PTPRT: variants seen among roughly 807,000 people sequenced by gnomAD.
PTPRT encodes receptor-type tyrosine-protein phosphatase T.
Under a neutral mutation model 176.8 loss-of-function variants are expected in PTPRT, and 56 were observed. The observed-to-expected ratio is 0.32, with a 90% CI of 0.26 to 0.40. The LOEUF is 0.40. PTPRT is among the 10% of genes least tolerant of loss of function. The pLI is 1.00. For synonymous variants in PTPRT, 783 were observed against 739.0 expected, an observed-to-expected ratio of 1.06 and a Z score of -0.96; for missense variants, 1,540 against 1,908.2, an observed-to-expected ratio of 0.81 and a Z score of 3.60.
At chr20:42,501,645 T>C (rs1439406410) in intron 7 of PTPRT, among the ~76,000 whole-genome samples, 1 of 152,200 alleles carries the variant, frequency 6.6e-6, no homozygotes, top group Non-Finnish European at 1.5e-5. Context: ...CAGTGTTGAA[T>C]AGTTGTGATA....
chr20:42,126,032 G>GT (rs1259621830), intron 19 of PTPRT, among the ~76,000 whole-genome samples: 1 of 149,266 alleles, frequency 6.7e-6, no homozygotes, highest in African/African-American at 2.5e-5. Flanking sequence ...GAGTGGGGGG[G>GT]GGGAGGGGAA....
rs141644461 is a variant in PTPRT, at chr20:43,054,008, C to T, written c.88+135638G>A. Among the ~76,000 whole-genome samples, 118 of 152,224 alleles carry T rather than the reference C, an allele frequency of 7.8e-4. 2 individuals carry two copies. The East Asian group carries it at 0.02, about 26-fold the overall frequency. On this transcript the variant is annotated intron_variant, in intron 1 of 30. Coordinates refer to ENST00000373187, the MANE Select transcript of PTPRT (RefSeq NM_007050.6). ...TCCTTAAGCTTTTTTTCCTCAGACT[C>T]GCCTAGTCTCATAAGGGACAAAATC...
intron 11 of PTPRT, among the ~76,000 whole-genome samples, chr20:42,348,909 C>T (rs1038365346): frequency 6.6e-6 from 1 of 152,076 alleles, no homozygotes; most frequent in Non-Finnish European, 1.5e-5. Flanking sequence ...TTTGTTGAGT[C>T]TTACGATATA....
chr20:42,999,184 G>T (rs1056762826), intron 1 of PTPRT, among the ~76,000 whole-genome samples: 3 of 152,068 alleles, frequency 2.0e-5, no homozygotes, highest in African/African-American at 4.8e-5. Context: ...GAAAATTTCC[G>T]CAATATATTG....
At chr20:42,660,402 A>T (rs1266951778) in intron 7 of PTPRT, among the ~76,000 whole-genome samples, 1 of 152,146 alleles carries the variant, frequency 6.6e-6, no homozygotes, top group Non-Finnish European at 1.5e-5. Flanking sequence ...TATTCCAGCA[A>T]CGGTGCTGGA....
chr20:42,083,707 T>C (rs1983590327), intron 29 of PTPRT, among the ~76,000 whole-genome samples: 1 of 152,194 alleles, frequency 6.6e-6, no homozygotes, highest in Non-Finnish European at 1.5e-5. Context: ...TCCAGAAATA[T>C]TTGTTGTAAG....
At chr20:42,400,772 T>A (rs187074722) in intron 9 of PTPRT, among the ~76,000 whole-genome samples, 1 of 152,262 alleles carries the variant, frequency 6.6e-6, no homozygotes, top group Admixed American at 6.5e-5. Flanking sequence ...AATGGAGTTA[T>A]GGAGGGAATT....
chr20:42,210,782 T>C (rs1470126417), intron 15 of PTPRT, among the ~76,000 whole-genome samples: 1 of 152,066 alleles, frequency 6.6e-6, no homozygotes, highest in Admixed American at 6.6e-5. Flanking sequence ...CTTCATAGAA[T>C]TGGAAAAAAC....
rs188096093 is a variant in PTPRT, at chr20:42,608,170, C to T, written c.1153+69696G>A. ...AACTCTGCATCTGGCACCTCATGGTCTCATGTCTCCGGAATAAGTACTCAA... is the reference window on the plus strand; with the variant it reads ...AACTCTGCATCTGGCACCTCATGGTTTCATGTCTCCGGAATAAGTACTCAA... On this transcript the variant is annotated intron_variant, in intron 7 of 30. Coordinates refer to ENST00000373187, the MANE Select transcript of PTPRT (RefSeq NM_007050.6). Among the ~76,000 whole-genome samples the T allele has an allele frequency of 2.9e-3, 442 of 152,280 alleles. 3 individuals are homozygous for T. The highest frequency in any genetic ancestry group is 4.9e-3 in the Non-Finnish European group (336 of 68,020).
At chr20:42,141,231 T>C (rs1988610180) in intron 18 of PTPRT, among the ~76,000 whole-genome samples, 1 of 152,148 alleles carries the variant, frequency 6.6e-6, no homozygotes, top group Non-Finnish European at 1.5e-5. Context: ...CCTACTATAG[T>C]GGGGACAGGT....
At chr20:42,212,024 A>G (rs2055646269) in intron 15 of PTPRT, among the ~76,000 whole-genome samples, 1 of 69,816 alleles carries the variant, frequency 1.4e-5, no homozygotes, top group Admixed American at 1.6e-4. Flanking sequence ...GGAAAACATC[A>G]TTCTCAGTAA....
At chr20:42,708,755 T>C (rs1220072094) in intron 6 of PTPRT, among the ~76,000 whole-genome samples, 1 of 152,238 alleles carries the variant, frequency 6.6e-6, no homozygotes, top group Non-Finnish European at 1.5e-5. Context: ...CTTAATAAAT[T>C]GTACTTCCCT....
chr20:42,962,203 C>A (rs772464140), intron 1 of PTPRT, among the ~76,000 whole-genome samples: 7 of 152,182 alleles, frequency 4.6e-5, no homozygotes, highest in Non-Finnish European at 7.3e-5. Context: ...GCTCCTACAC[C>A]TTCTGCCTAG....
chr20:42,778,689 C>G (rs569406136), intron 4 of PTPRT, among the ~76,000 whole-genome samples: 83 of 152,316 alleles, frequency 5.4e-4, no homozygotes, highest in African/African-American at 1.9e-3. Context: ...GTCTTAGGCT[C>G]ATTCTCAAAT....
In PTPRT at chr20:43,189,471, G is replaced by C. The variant is rs943983391; in HGVS notation, c.88+175C>G. Among the ~76,000 whole-genome samples, 3 of 152,002 alleles carry C rather than the reference G, an allele frequency of 2.0e-5. No individual in the cohort carries two copies. Among genetic ancestry groups the C allele is most frequent in the Admixed American group, 2.0e-4 (3 of 15,280 alleles). The stretch of plus-strand genomic sequence containing the variant: ...CGCGAGGGGCCGGGCTCGCTGGCCG[G>C]GGCGCGCGGGGACACTGCTTCCCGC... On this transcript the variant is annotated intron_variant, in intron 1 of 30. Transcript: ENST00000373187. The surrounding 1 kb of genome is among the most constrained non-coding windows in gnomAD (Gnocchi z 5.0).
intron 1 of PTPRT, among the ~76,000 whole-genome samples, chr20:42,967,693 C>A (rs1982379846): frequency 6.6e-6 from 1 of 151,592 alleles, no homozygotes; most frequent in Non-Finnish European, 1.5e-5. Flanking sequence ...CCCCTAATAC[C>A]TTTGTGGCAT....
intron 1 of PTPRT, among the ~76,000 whole-genome samples, chr20:43,061,856 A>G (rs998422615): frequency 7.2e-5 from 11 of 152,228 alleles, no homozygotes; most frequent in African/African-American, 2.7e-4. Flanking sequence ...AATTGCTGTG[A>G]CTCAGGCAGA....
chr20:43,137,641 G>A (rs546150009), intron 1 of PTPRT, among the ~76,000 whole-genome samples: 451 of 152,256 alleles, frequency 3.0e-3, no homozygotes, highest in African/African-American at 0.011. Context: ...CCTCTGGGGC[G>A]GCACCAACCA....
At chr20:42,955,617 A>T (rs1342562452) in intron 1 of PTPRT, among the ~76,000 whole-genome samples, 1 of 152,206 alleles carries the variant, frequency 6.6e-6, no homozygotes, top group South Asian at 2.1e-4. Context: ...TAAGCTTTAC[A>T]ATTTCTTCAT....
Sources: gnomAD v4.1 joint callset for allele counts (sites outside exome capture counted in the v4.1 genomes callset) on GRCh38, gnomAD v4.1.1 for gene constraint, Gnocchi (gnomAD v3.1) non-coding constraint, MANE v1.5 for transcripts, NCBI Gene and HGNC (gene_info 2026-07-23, HGNC 2026-07-21) for gene names.